Variants in ANO8 observed in about 807,000 individuals in gnomAD.
ANO8 encodes anoctamin 8, also known as anoctamin-8.
A neutral mutation model predicts 120.4 loss-of-function variants in ANO8; 67 were observed. That is an observed-to-expected ratio of 0.56 (90% CI 0.46 to 0.68). The LOEUF (loss-of-function observed/expected upper bound fraction) is 0.68, where lower values mean the gene tolerates loss of function less well. Among genes scored for constraint, ANO8 ranks in the 30% least tolerant of loss-of-function variants. ANO8 has a pLI of 0.00. For synonymous variants in ANO8, 727 were observed against 759.2 expected, an observed-to-expected ratio of 0.96 and a Z score of 0.70; for missense variants, 1,526 against 1,737.6, an observed-to-expected ratio of 0.88 and a Z score of 2.16.
chr19:17,324,036 C>T (rs1454629551), intron 17 of ANO8, 152 bp from the exon 18 acceptor site: 7 of 905,750 alleles, frequency 7.7e-6, no homozygotes, highest in East Asian at 1.6e-4. Flanking sequence ...GCCCCCTGGG[C>T]GGCTTCCGGT....
At chr19:17,323,949 A>C in intron 17 of ANO8, 65 bp from the exon 18 acceptor site, 2 of 1,075,880 alleles carry the variant, frequency 1.9e-6, no homozygotes, top group Middle Eastern at 4.3e-4. Context: ...CGGGCTGGCA[A>C]CCCTGCCCGC....
chr19:17,327,876 G>A lies in ANO8; in HGVS notation c.2231C>T (p.Thr744Met). Residue 744 changes from threonine to methionine, a missense_variant, in exon 14 of 18, where the codon ACG becomes ATG. Thr to Met is a moderately conservative substitution (Grantham distance 81). This residue lies in a region of ANO8 where 467 missense variants were observed against 425.8 expected (regional missense o/e 1.10). Transcript: ENST00000159087. ...GAACATCTCCTGGTAGTCCTGGAAC[G>A]TGTCCTGCGAGTGGGCGGGCCTCAG... ...LESCMKKYED[T>M]FQDYQEMFVQ... 1 of 1,613,076 alleles carries A rather than the reference G, an allele frequency of 6.2e-7. No homozygotes were observed. Among genetic ancestry groups the A allele is most frequent in the African/African-American group, 1.3e-5 (1 of 75,052 alleles).
intron 8 of ANO8, 119 bp from the exon 9 acceptor site, chr19:17,330,623 G>A (rs1315179476): frequency 2.8e-6 from 4 of 1,407,440 alleles, no homozygotes; most frequent in Non-Finnish European, 3.8e-6. Flanking sequence ...ACCCTCTCAG[G>A]TCACCCACCT....
chr19:17,328,333 C>G lies in ANO8; in HGVS notation c.2055G>C (p.Glu685Asp). 1.3e-6 allele frequency: 2 copies of G among 1,585,342 alleles called. No homozygotes were observed. Among genetic ancestry groups the G allele is most frequent in the Non-Finnish European group, 1.7e-6 (2 of 1,168,902 alleles). ...CCCCGTCGGGCCCCTGGTCTCGGCC[C>G]TCGCCCCCGGCCCGGCGGAACAAGA... ...PAILFRRAGG[E>D]GRDQGPDGGP... The change falls in exon 13 of 18, where the codon GAG becomes GAC. Residue 685 changes from glutamate to aspartate, a missense_variant. By Grantham distance (45) the Glu-to-Asp change is conservative (BLOSUM62 2). This residue lies in a region of ANO8 where 467 missense variants were observed against 425.8 expected (regional missense o/e 1.10). Coordinates refer to ENST00000159087, the MANE Select transcript of ANO8 (RefSeq NM_020959.3).
At position 17,327,443 on chromosome 19, in the gene ANO8, G is replaced by A. The variant is rs773811139; in HGVS notation, c.2545C>T (p.Leu849Phe). 6.2e-7 allele frequency: 1 copy of A among 1,609,100 alleles called. No individual in the cohort carries two copies. The highest frequency in any genetic ancestry group is 8.5e-7 in the Non-Finnish European group (1 of 1,177,850). ...GCCCCTGTCGCCGGCCCCACCTCGA[G>A]CACTACCACCGACACGATGGCTGCC... ...PEAAIVSVVV[L>F]EHFALLLKYL... is the part of the protein sequence containing the mutation. The change falls in exon 15 of 18, where the codon CTC becomes TTC. Residue 849 changes from leucine (L) to phenylalanine (F), a missense_variant. Leu to Phe is a conservative substitution (Grantham distance 22). Transcript: ENST00000159087.
At chr19:17,326,354 T>A (rs142077463) in intron 16 of ANO8, among the ~76,000 whole-genome samples, 1,587 of 152,116 alleles carry the variant, frequency 0.01, 25 homozygotes, top group African/African-American at 0.036. Context: ...ATAGAAAAAT[T>A]AGCCAGGCGT....
chr19:17,327,649 C>G (rs2145685581), intron 14 of ANO8, 40 bp downstream of exon 14: 2 of 1,607,792 alleles, frequency 1.2e-6, no homozygotes, highest in Non-Finnish European at 1.7e-6. Flanking sequence ...CACCTGGGCT[C>G]CCTCTGGGCC....
At chr19:17,327,153 C>G (rs112017324) in intron 16 of ANO8, 82 bp downstream of exon 16, 14,869 of 1,225,510 alleles carry the variant, frequency 0.012, 97 homozygotes, top group Non-Finnish European at 0.014. Context: ...TTTGCCCTTA[C>G]GCTAAGGAAT....
rs542594710 is a variant in ANO8 at position 17,331,928 on chromosome 19, C to T, written c.587-517G>A. Among the ~76,000 whole-genome samples the T allele has an allele frequency of 8.8e-5, 10 of 113,708 alleles. 2 individuals are homozygous for T. In the South Asian group the frequency reaches 3.0e-3, roughly 34 times the overall value. 74.6% of individuals were successfully genotyped at this position (113,708 alleles called of 152,430 possible). On this transcript the variant is annotated intron_variant, in intron 5 of 17. Transcript: ENST00000159087. ...GATTACAGGTGTGAGCCACCGCGCC[C>T]GGCTTTTTTTTTTTTTTTTTTTTTT...
intron 5 of ANO8, 136 bp from the exon 6 acceptor site, chr19:17,331,547 C>A (rs1432553154): frequency 3.5e-5 from 25 of 717,860 alleles, no homozygotes; most frequent in Middle Eastern, 3.8e-4. Flanking sequence ...GGGAGAAGTT[C>A]TAGACGGATA....
chr19:17,327,310 C>T lies in ANO8; in HGVS notation c.2586G>A (p.Val862=), dbSNP rs756211334. 9 of 1,549,854 alleles carry T rather than the reference C, an allele frequency of 5.8e-6. No homozygotes were observed. The East Asian group carries it at 7.3e-5, about 13-fold the overall frequency. ...FALLLKYLIH[V]AIPDIPGWVA... Reference sequence around the variant, plus strand: ...CCCAGCCCGGGATATCGGGGATGGCCACGTGGATGAGGTACTTGAGGAGCA... The same window carrying T: ...CCCAGCCCGGGATATCGGGGATGGCTACGTGGATGAGGTACTTGAGGAGCA... Residue 862 remains valine, a synonymous_variant, in exon 16 of 18, where the codon GTG becomes GTA. Coordinates refer to ENST00000159087, the MANE Select transcript of ANO8 (RefSeq NM_020959.3).
rs556884580 is a variant in ANO8, at chr19:17,323,459, G to T, written c.*58C>A. 698 of 1,281,232 alleles carry T rather than the reference G, an allele frequency of 5.4e-4. No homozygotes were observed. Among genetic ancestry groups the T allele is most frequent in the Non-Finnish European group, 6.8e-4 (687 of 1,012,068 alleles). 79.4% of individuals were successfully genotyped at this position (1,281,232 alleles called of 1,614,324 possible). A position where few individuals can be genotyped will look rare whatever the true frequency, so the allele number is the denominator to read the frequency against. On this transcript the variant is annotated 3_prime_UTR_variant, in exon 18 of 18. Transcript: ENST00000159087. ...AAGCGCATTTTGCATTTTGGAGACCGGCCGCCCCTGTGAATGACTGATATT... is the reference window on the plus strand; with the variant it reads ...AAGCGCATTTTGCATTTTGGAGACCTGCCGCCCCTGTGAATGACTGATATT...
intron 5 of ANO8, 84 bp from the exon 6 acceptor site, chr19:17,331,495 A>G: frequency 7.8e-7 from 1 of 1,276,644 alleles, no homozygotes; most frequent in Non-Finnish European, 1.1e-6. Context: ...AACCCAAGTC[A>G]CAGCTTTTTG....
chr19:17,326,295 A>G (rs2074273398), intron 16 of ANO8, among the ~76,000 whole-genome samples: 1 of 152,104 alleles, frequency 6.6e-6, no homozygotes, highest in Non-Finnish European at 1.5e-5. Context: ...TGAGGTTAGG[A>G]GTTGGAGACC....
Position 17,328,900 on chromosome 19 carries a change from GC to G in ANO8, c.1487del (p.Gly496AlafsTer21). 1.3e-6 allele frequency: 2 copies of G among 1,504,860 alleles called. No individual in the cohort carries two copies. The highest frequency in any genetic ancestry group is 2.1e-5 in the Admixed American group (1 of 47,712). The allele number at this position is 1,504,860 out of a possible 1,614,324, so 93.2% of individuals were successfully genotyped here. ...VLQPHLYRRL[G>X]RGELGLRAVW... ...CGGCCCGCAGGCCCAGCTCGCCGCG[GC>G]CCAGGCGCCGGTACAGGTGCGGCTG... On this transcript the variant is annotated frameshift_variant, in exon 13 of 18. Transcript: ENST00000159087. LOFTEE classifies it high-confidence loss of function.
Position 17,328,959 on chromosome 19 carries a change from G to A in ANO8, c.1429C>T (p.Arg477Cys). The A allele has an allele frequency of 1.3e-6, 2 of 1,506,526 alleles. No individual in the cohort carries two copies. Among genetic ancestry groups the A allele is most frequent in the Admixed American group, 2.1e-5 (1 of 47,786 alleles). 93.3% of individuals were successfully genotyped at this position (1,506,526 alleles called of 1,614,324 possible). The change falls in exon 13 of 18, where the codon CGC becomes TGC. Residue 477 changes from arginine to cysteine, a missense_variant. Arg to Cys is a radical substitution (Grantham distance 180). Transcript: ENST00000159087. ...KEMLATLLIT[R>C]QFLQNVREVL... ...TCGCGCACGTTCTGGAGGAACTGGC[G>A]GGTGATCAGCAGCGTGGCCAGCATC...
chr19:17,332,649 C>T (rs985826286), intron 5 of ANO8, among the ~76,000 whole-genome samples: 4 of 152,200 alleles, frequency 2.6e-5, no homozygotes, highest in Non-Finnish European at 4.4e-5. Flanking sequence ...GCCTCGCCCC[C>T]TCAGCTCATT....
intron 12 of ANO8, 167 bp from the exon 13 acceptor site, chr19:17,329,150 G>A: frequency 1.9e-6 from 1 of 537,630 alleles, no homozygotes. Flanking sequence ...GAGGCCCCCA[G>A]CGCTCAGCCA....
In ANO8 at chr19:17,330,171, C is replaced by CA. The variant is rs1415541813; in HGVS notation, c.1226dup (p.Ser410GlufsTer14). ...CTAGCTTCTTGTAGCCCTCGGCACT[C>CA]ACACTGACAAGCAGGGCCAGCATGA... On this transcript the variant is annotated frameshift_variant, in exon 10 of 18. Transcript: ENST00000159087. LOFTEE classifies it high-confidence loss of function. 2 of 1,614,068 alleles carry CA rather than the reference C, an allele frequency of 1.2e-6. No individual in the cohort carries two copies.
Sources: gnomAD v4.1 joint callset for allele counts (sites outside exome capture counted in the v4.1 genomes callset) on GRCh38, gnomAD v4.1.1 for gene constraint, gnomAD v4.1.1 regional missense constraint, MANE v1.5 for transcripts, NCBI Gene and HGNC (gene_info 2026-07-23, HGNC 2026-07-21) for gene names.